AMPH: variants seen among roughly 807,000 people sequenced by gnomAD.
AMPH encodes amphiphysin, also known as amphiphysin (Stiff-Mann syndrome with breast cancer 128kD autoantigen).
Under a neutral mutation model 99.1 loss-of-function variants are expected in AMPH, and 49 were observed. That is an observed-to-expected ratio of 0.49 (90% confidence interval 0.39 to 0.63). AMPH has a LOEUF of 0.63. Among genes scored for constraint, AMPH ranks in the 20% least tolerant of loss-of-function variants. AMPH has a pLI of 0.00. For synonymous variants in AMPH, 314 were observed against 317.3 expected (o/e 0.99, Z 0.11); for missense variants, 759 against 863.4 (o/e 0.88, Z 1.52).
At chr7:38,533,719 G>A (rs1398268090) in intron 2 of AMPH, among the ~76,000 whole-genome samples, 1 of 152,058 alleles carries the variant, frequency 6.6e-6, no homozygotes, top group East Asian at 1.9e-4. Context: ...CTGACAGCAG[G>A]AAAAGAAATC....
At chr7:38,463,808 CG>C (rs1340534931) in intron 9 of AMPH, among the ~76,000 whole-genome samples, 1 of 152,180 alleles carries the variant, frequency 6.6e-6, no homozygotes, top group Non-Finnish European at 1.5e-5. Context: ...GCCAGACGCT[CG>C]GGAACAGCCC....
At chr7:38,512,820 T>C (rs988225855) in intron 2 of AMPH, among the ~76,000 whole-genome samples, 1 of 152,130 alleles carries the variant, frequency 6.6e-6, no homozygotes, top group Non-Finnish European at 1.5e-5. Context: ...ATAAAATAAA[T>C]AAGAATAAAG....
Position 38,565,806 on chromosome 7 carries a change from T to C in AMPH, c.70-30795A>G, listed in dbSNP as rs183437362. ...CGGGTCCTTCACCTCCTTCAACCCA[T>C]CCCTCTCTTTCAACCAGTCATCACC... On this transcript the variant is annotated intron_variant, in intron 1 of 20. Coordinates refer to ENST00000356264, the MANE Select transcript of AMPH (RefSeq NM_001635.4). 2.5e-3 allele frequency among the ~76,000 whole-genome samples: 383 copies of C among 152,258 alleles called. 2 individuals carry two copies. Among genetic ancestry groups the C allele is most frequent in the Middle Eastern group, 0.014 (4 of 294 alleles).
intron 2 of AMPH, among the ~76,000 whole-genome samples, chr7:38,523,121 A>AT (rs1790035611): frequency 6.6e-6 from 1 of 151,478 alleles, no homozygotes; most frequent in Non-Finnish European, 1.5e-5. Context: ...AAAAAAAAAA[A>AT]AGAAGGTGGG....
intron 8 of AMPH, among the ~76,000 whole-genome samples, chr7:38,465,940 G>A (rs1787635161): frequency 6.6e-6 from 1 of 152,008 alleles, no homozygotes; most frequent in African/African-American, 2.4e-5. Context: ...TTTATAAACT[G>A]CCTGGTAAAA....
intron 11 of AMPH, among the ~76,000 whole-genome samples, chr7:38,442,807 G>A (rs988552539): frequency 1.3e-5 from 2 of 151,362 alleles, no homozygotes; most frequent in Non-Finnish European, 2.9e-5. Flanking sequence ...AACATAAACA[G>A]AGCAATAAAA....
chr7:38,458,103 C>T (rs1418156800), intron 11 of AMPH, among the ~76,000 whole-genome samples: 6 of 152,128 alleles, frequency 3.9e-5, no homozygotes, highest in African/African-American at 1.2e-4. Context: ...AGGTAAAATA[C>T]TACCTACTAG....
intron 1 of AMPH, among the ~76,000 whole-genome samples, chr7:38,615,487 G>T (rs1314843888): frequency 6.6e-6 from 1 of 152,144 alleles, no homozygotes. Context: ...CATCCATGGT[G>T]CCTGGCAAGC....
At chr7:38,588,608 C>G (rs1045448389) in intron 1 of AMPH, among the ~76,000 whole-genome samples, 31 of 152,164 alleles carry the variant, frequency 2.0e-4, no homozygotes, top group African/African-American at 7.2e-4. Flanking sequence ...AAAATTTTTG[C>G]CAATATGCAC....
At chr7:38,523,673 T>A (rs1790057692) in intron 2 of AMPH, among the ~76,000 whole-genome samples, 1 of 152,076 alleles carries the variant, frequency 6.6e-6, no homozygotes. Flanking sequence ...AGGGCAGAGA[T>A]AACAACATTT....
At chr7:38,426,367 C>A (rs986444642) in intron 15 of AMPH, among the ~76,000 whole-genome samples, 4 of 152,222 alleles carry the variant, frequency 2.6e-5, no homozygotes, top group African/African-American at 9.6e-5. Flanking sequence ...CTTGTGGTTT[C>A]TCTTTCACAG....
At chr7:38,539,855 A>T (rs955050074) in intron 1 of AMPH, among the ~76,000 whole-genome samples, 2 of 152,234 alleles carry the variant, frequency 1.3e-5, no homozygotes, top group East Asian at 1.9e-4. Flanking sequence ...AGCAGCCTCA[A>T]TGGAGGTGGG....
At chr7:38,543,789 G>A (rs1050712793) in intron 1 of AMPH, among the ~76,000 whole-genome samples, 2 of 152,002 alleles carry the variant, frequency 1.3e-5, no homozygotes, top group Non-Finnish European at 2.9e-5. Context: ...GTGTTCCATG[G>A]GAAATAATCT....
chr7:38,452,881 G>A lies in AMPH; in HGVS notation c.1017+8402C>T, dbSNP rs73692387. On this transcript the variant is annotated intron_variant, in intron 11 of 20. Transcript: ENST00000356264. ...AAGTAACATAAAATGGCTATTTATA[G>A]CTACAGAGGAACAAGCCACTGAAGA... Among the ~76,000 whole-genome samples, 526 of 152,314 alleles carry A rather than the reference G, an allele frequency of 3.5e-3. 6 individuals are homozygous for A. Among genetic ancestry groups the A allele is most frequent in the African/African-American group, 0.012 (500 of 41,572 alleles).
At chr7:38,434,341 A>G (rs1322989281) in intron 12 of AMPH, among the ~76,000 whole-genome samples, 3 of 152,180 alleles carry the variant, frequency 2.0e-5, no homozygotes, top group Admixed American at 2.0e-4. Context: ...ATTAACATAA[A>G]AGAGGTTTCT....
At position 38,627,610 on chromosome 7, in the gene AMPH, G is replaced by A. The variant is rs547828408; in HGVS notation, c.69+3673C>T. 1.8e-3 allele frequency among the ~76,000 whole-genome samples: 248 copies of A among 141,104 alleles called. 1 individual carries two copies. Among genetic ancestry groups the A allele is most frequent in the Non-Finnish European group, 2.5e-3 (166 of 66,536 alleles). The allele number at this position is 141,104 out of a possible 152,430, so 92.6% of individuals were successfully genotyped here. On this transcript the variant is annotated intron_variant, in intron 1 of 20. Coordinates refer to ENST00000356264, the MANE Select transcript of AMPH (RefSeq NM_001635.4). The stretch of plus-strand genomic sequence containing the variant: ...GTGGAGCTTGCAGTGAGCCGAGATC[G>A]CGCCATTGCACTCCAGCCTGGGTGA...
At chr7:38,505,000 T>G (rs560855501) in intron 2 of AMPH, among the ~76,000 whole-genome samples, 5 of 152,204 alleles carry the variant, frequency 3.3e-5, no homozygotes, top group African/African-American at 1.2e-4. Flanking sequence ...TTGTTAGTAT[T>G]TGCCCAAAAG....
intron 5 of AMPH, among the ~76,000 whole-genome samples, chr7:38,484,667 G>A (rs1788420963): frequency 6.6e-6 from 1 of 151,966 alleles, no homozygotes; most frequent in African/African-American, 2.4e-5. Context: ...ACATTTGTTG[G>A]TAAATGTAAA....
At chr7:38,397,626 C>T (rs1306844249) in intron 17 of AMPH, among the ~76,000 whole-genome samples, 2 of 152,130 alleles carry the variant, frequency 1.3e-5, no homozygotes, top group Non-Finnish European at 2.9e-5. Context: ...AGTAATATCC[C>T]AAAAGCACAG....
Sources: gnomAD v4.1 joint callset for allele counts (sites outside exome capture counted in the v4.1 genomes callset) on GRCh38, gnomAD v4.1.1 for gene constraint, MANE v1.5 for transcripts, NCBI Gene and HGNC (gene_info 2026-07-23, HGNC 2026-07-21) for gene names.